The following LYG2 variants were observed in gnomAD, a reference collection of about 807,000 sequenced individuals.
LYG2 encodes lysozyme g2, also known as lysozyme g-like protein 2.
LYG2 carries 25 observed loss-of-function variants against 22.4 expected under a neutral mutation model. The ratio of observed to expected loss-of-function variants is 1.12; its 90% CI spans 0.81 to 1.56. The LOEUF (loss-of-function observed/expected upper bound fraction) is 1.56. Ranked by LOEUF, LYG2 falls within the 40% of genes most tolerant of loss-of-function variation. The pLI is 0.00. For missense variants in LYG2, 266 were observed against 269.5 expected (o/e 0.99, Z 0.09); for synonymous variants, 88 against 97.0 (o/e 0.91, Z 0.55).
upstream of LYG2, among the ~76,000 whole-genome samples, chr2:99,256,417 A>T (rs2094036409): frequency 6.6e-6 from 1 of 152,144 alleles, no homozygotes; most frequent in Non-Finnish European, 1.5e-5. Context: ...TGAATAAGGG[A>T]TATTGCAGGA....
chr2:99,246,951 G>A (rs376852192), intron 3 of LYG2, 131 bp from the exon 4 acceptor site: 207 of 855,290 alleles, frequency 2.4e-4, no homozygotes, highest in Non-Finnish European at 3.4e-4. Context: ...GCCATTATTT[G>A]TTCCTCAGAC....
rs1005979219 is a variant in LYG2, at chr2:99,244,776, G to C, written c.381+486C>G. On this transcript the variant is annotated intron_variant, in intron 5 of 6. Coordinates refer to ENST00000333017, the MANE Select transcript of LYG2 (RefSeq NM_175735.4). ...ATATATCTAATAATGAATAAGCCTT[G>C]AATAAAATAAAAAGATGTGTTACAG... 5.3e-5 allele frequency among the ~76,000 whole-genome samples: 8 copies of C among 152,182 alleles called. No individual in the cohort carries two copies. In the South Asian group the frequency reaches 1.5e-3, roughly 28 times the overall value.
intron 3 of LYG2, among the ~76,000 whole-genome samples, chr2:99,251,728 G>A (rs1369540905): frequency 4.6e-5 from 7 of 152,078 alleles, no homozygotes; most frequent in East Asian, 1.9e-4. Flanking sequence ...TGGAACCAGC[G>A]CTCCTCAGAA....
chr2:99,261,100 G>A, the LYG2 span, among the ~76,000 whole-genome samples: 1 of 152,084 alleles, frequency 6.6e-6, no homozygotes, highest in African/African-American at 2.4e-5. Flanking sequence ...GGTCTGACAC[G>A]GCAACCTAAG....
chr2:99,242,464 T>C lies in LYG2; in HGVS notation c.539A>G (p.Lys180Arg). 1 of 1,611,382 alleles carries C rather than the reference T, an allele frequency of 6.2e-7. No individual in the cohort carries two copies. The highest frequency in any genetic ancestry group is 8.5e-7 in the Non-Finnish European group (1 of 1,178,348). Residue 180 changes from lysine to arginine, a missense_variant, in exon 7 of 7, where the codon AAG becomes AGG. Coordinates refer to ENST00000333017, the MANE Select transcript of LYG2 (RefSeq NM_175735.4). The part of the protein sequence containing the change: ...QHLKGGLSAF[K>R]SGIEAIATPS... ...GGTGGCAATCGCTTCAATTCCTGAC[T>C]TAAAAGCTGAGAGACCACCTGAAAT...
upstream of LYG2, among the ~76,000 whole-genome samples, chr2:99,259,620 T>C (rs1003223143): frequency 6.6e-6 from 1 of 152,196 alleles, no homozygotes; most frequent in African/African-American, 2.4e-5. Flanking sequence ...GCTTCAAAAA[T>C]AGTACCAAGA....
chr2:99,251,016 C>T (rs1422083851), intron 3 of LYG2, among the ~76,000 whole-genome samples: 2 of 152,046 alleles, frequency 1.3e-5, no homozygotes, highest in African/African-American at 4.8e-5. Flanking sequence ...AAAATACAAT[C>T]GTATATTTTG....
At chr2:99,243,537 G>GATAA in intron 6 of LYG2, 1 of 1,380,656 alleles carries the variant, frequency 7.2e-7, no homozygotes, top group South Asian at 1.4e-5. Flanking sequence ...TAGATAGATA[G>GATAA]ATAAATTTTT....
intron 3 of LYG2, among the ~76,000 whole-genome samples, chr2:99,248,178 T>C (rs895458835): frequency 1.3e-5 from 2 of 152,142 alleles, no homozygotes; most frequent in Admixed American, 1.3e-4. Flanking sequence ...GTGTGGCGAT[T>C]CCTCAGGGAT....
chr2:99,254,215 T>TA lies in LYG2; in HGVS notation c.43+2dup. The TA allele has an allele frequency of 6.2e-7, 1 of 1,613,854 alleles. No homozygotes were observed. The highest frequency in any genetic ancestry group is 1.1e-5 in the South Asian group (1 of 91,074). ...CAATGCTAAATCTCAGCCAGTGACTTACCAATGAGGGCAATTAGTCCCCAA... is the reference window on the plus strand; with the variant it reads ...CAATGCTAAATCTCAGCCAGTGACTTAACCAATGAGGGCAATTAGTCCCCAA... On this transcript the variant is annotated splice_region_variant and intron_variant, in intron 3 of 6. Transcript: ENST00000333017.
At chr2:99,250,044 G>T (rs1344341861) in intron 3 of LYG2, among the ~76,000 whole-genome samples, 3 of 151,920 alleles carry the variant, frequency 2.0e-5, no homozygotes, top group Admixed American at 1.3e-4. Context: ...ACTAGATGTG[G>T]CCCTCTGCTC....
intron 4 of LYG2, 126 bp downstream of exon 4, chr2:99,246,554 C>T (rs2094016344): frequency 6.0e-6 from 7 of 1,159,494 alleles, no homozygotes; most frequent in Non-Finnish European, 8.5e-6. Context: ...GGTTTTTGCT[C>T]ATTTTTAATT....
chr2:99,242,873 A>T (rs1003422012), intron 6 of LYG2, among the ~76,000 whole-genome samples: 1 of 152,170 alleles, frequency 6.6e-6, no homozygotes, highest in Non-Finnish European at 1.5e-5. Context: ...AGCACCTACT[A>T]TGTGCCAGGA....
upstream of LYG2, among the ~76,000 whole-genome samples, chr2:99,260,642 T>C (rs1318534617): frequency 6.6e-6 from 1 of 152,178 alleles, no homozygotes; most frequent in Non-Finnish European, 1.5e-5. Context: ...TGGTTTAACC[T>C]GGGAGTGACT....
At chr2:99,249,913 G>A (rs2094023166) in intron 3 of LYG2, among the ~76,000 whole-genome samples, 1 of 151,812 alleles carries the variant, frequency 6.6e-6, no homozygotes, top group Non-Finnish European at 1.5e-5. Flanking sequence ...CCTCTACTTA[G>A]TAGACGGAGT....
intron 5 of LYG2, 108 bp downstream of exon 5, chr2:99,245,154 G>T: frequency 1.6e-6 from 2 of 1,228,106 alleles, no homozygotes; most frequent in Non-Finnish European, 1.1e-6. Flanking sequence ...GTAGCCAGAT[G>T]CCAGGGTATT....
chr2:99,243,693 C>CTTTTTT (rs999579137), intron 6 of LYG2: 292 of 157,122 alleles, frequency 1.9e-3, no homozygotes, highest in Middle Eastern at 3.1e-3. Flanking sequence ...CCATGCCCAG[C>CTTTTTT]TTTTTTTTTT....
chr2:99,256,064 C>G (rs1222947131), upstream of LYG2, among the ~76,000 whole-genome samples: 1 of 152,124 alleles, frequency 6.6e-6, no homozygotes, highest in Non-Finnish European at 1.5e-5. Flanking sequence ...ACACAGTCCT[C>G]CCCCACATCC....
upstream of LYG2, among the ~76,000 whole-genome samples, chr2:99,256,779 C>T (rs924465853): frequency 6.6e-6 from 1 of 152,198 alleles, no homozygotes; most frequent in Admixed American, 6.5e-5. Context: ...TGCAACTCAA[C>T]CAAAATTGTT....
Sources: gnomAD v4.1 joint callset for allele counts (sites outside exome capture counted in the v4.1 genomes callset) on GRCh38, gnomAD v4.1.1 for gene constraint, MANE v1.5 for transcripts, NCBI Gene and HGNC (gene_info 2026-07-23, HGNC 2026-07-21) for gene names.